The following MYO9A variants were observed in gnomAD, a reference collection of about 807,000 sequenced individuals.
MYO9A encodes myosin IXA.
A neutral mutation model predicts 293.3 loss-of-function variants in MYO9A; 103 were observed. That is an observed-to-expected ratio of 0.35 (90% CI 0.30 to 0.41). MYO9A has a LOEUF of 0.41. Among genes scored for constraint, MYO9A ranks in the 10% least tolerant of loss-of-function variants. MYO9A has a pLI of 1.00. For missense variants in MYO9A, 2,685 were observed against 3,033.0 expected (o/e 0.89, Z 2.69); for synonymous variants, 1,001 against 1,035.7 (o/e 0.97, Z 0.64).
Position 71,901,176 on chromosome 15 carries a change from T to A in MYO9A, c.3150+15A>T, listed in dbSNP as rs1157592961. The A allele has an allele frequency of 6.2e-7, 1 of 1,602,246 alleles. No homozygotes were observed. Among genetic ancestry groups the A allele is most frequent in the South Asian group, 1.1e-5 (1 of 88,430 alleles). On this transcript the variant is annotated intron_variant, in intron 23 of 41. Transcript: ENST00000356056. ...AAACTAGTCAATCTCATGCAAAGAA[T>A]CCTTTGCTTCTCACCTGGATAATAA...
At chr15:72,025,146 C>T (rs868150959) in intron 4 of MYO9A, among the ~76,000 whole-genome samples, 2 of 151,944 alleles carry the variant, frequency 1.3e-5, no homozygotes, top group African/African-American at 4.8e-5. Context: ...AAAAAAGTTA[C>T]CATGCAAGCA....
At chr15:72,020,254 A>G (rs1349558070) in intron 5 of MYO9A, among the ~76,000 whole-genome samples, 1 of 152,152 alleles carries the variant, frequency 6.6e-6, no homozygotes, top group Non-Finnish European at 1.5e-5. Context: ...TACTAATTCC[A>G]TTAGTGCTGG....
At chr15:72,072,959 AC>A (rs1370413370) in intron 1 of MYO9A, among the ~76,000 whole-genome samples, 8 of 152,316 alleles carry the variant, frequency 5.3e-5, no homozygotes, top group Non-Finnish European at 1.0e-4. Flanking sequence ...CACAAATAGC[AC>A]TGTTCACAAG....
Position 71,851,367 on chromosome 15 carries a change from AG to A in MYO9A, c.6476-10del. The A allele has an allele frequency of 6.2e-7, 1 of 1,603,454 alleles. No homozygotes were observed. The highest frequency in any genetic ancestry group is 1.7e-4 in the Middle Eastern group (1 of 6,044). On this transcript the variant is annotated splice_polypyrimidine_tract_variant and intron_variant, in intron 36 of 41. Coordinates refer to ENST00000356056, the MANE Select transcript of MYO9A (RefSeq NM_006901.4). ...CTTCCTCTCCTGAAGGCCTAAAAAC[AG>A]TAAGAGCAGAAACTAAGACTAAATA...
chr15:72,101,692 G>C (rs1470051721), intron 1 of MYO9A, among the ~76,000 whole-genome samples: 9 of 142,046 alleles, frequency 6.3e-5, no homozygotes, highest in East Asian at 4.4e-4. Flanking sequence ...GGGAGGTGGG[G>C]GGGGTCAGCC....
intron 11 of MYO9A, among the ~76,000 whole-genome samples, chr15:71,981,669 C>CTCTA (rs2076276356): frequency 6.7e-6 from 1 of 148,610 alleles, no homozygotes; most frequent in African/African-American, 2.5e-5. Context: ...CTCTCTCTCT[C>CTCTA]TCAGATGAAT....
rs536878142 is a variant in MYO9A, at chr15:71,880,450, C to T, written c.5507G>A (p.Arg1836Gln). ...KEPSPKAKRKRSVKISNVALD... is the reference protein window; with the variant it reads ...KEPSPKAKRKQSVKISNVALD... ...AGCCACGTTGCTAATCTTCACACTT[C>T]GCTTGCGCTTAGCCTTTGGAGAAGG... The change falls in exon 29 of 42, where the codon CGA becomes CAA. Residue 1836 changes from arginine (R) to glutamine (Q), a missense_variant. By Grantham distance (43) the Arg-to-Gln change is conservative. Around this residue, in one of 10 missense-constraint regions of MYO9A, gnomAD observed 1,434 missense variants for 1,497.7 expected, o/e 0.96. Transcript: ENST00000356056. 36 of 1,614,084 alleles carry T rather than the reference C, an allele frequency of 2.2e-5. No homozygotes were observed. The highest frequency in any genetic ancestry group is 2.5e-5 in the Non-Finnish European group (30 of 1,180,024).
rs2075945397 is a variant in MYO9A at position 71,968,989 on chromosome 15, A to G, written c.1845-864T>C. Among the ~76,000 whole-genome samples the G allele has an allele frequency of 4.6e-5, 7 of 152,360 alleles. No individual in the cohort carries two copies. In the South Asian group the frequency reaches 1.4e-3, roughly 32 times the overall value. The stretch of plus-strand genomic sequence containing the variant: ...CAACAAACATAGTTAATTACATAGT[A>G]TGCATTGCAAACCATACAGAGAATG... On this transcript the variant is annotated intron_variant, in intron 12 of 41. Transcript: ENST00000356056.
At chr15:71,917,369 C>T (rs7162134) in intron 18 of MYO9A, among the ~76,000 whole-genome samples, 140,326 of 152,060 alleles carry the variant, frequency 0.92, 65,143 homozygotes, top group Non-Finnish European at 0.97. Context: ...ACCCCGTCTC[C>T]ACTAAAAATA....
At chr15:71,958,710 T>C (rs983059160) in intron 14 of MYO9A, 1 of 152,132 alleles carries the variant, frequency 6.6e-6, no homozygotes, top group African/African-American at 2.4e-5. Context: ...GATTATTATA[T>C]GGAAGCTCTG....
intron 18 of MYO9A, among the ~76,000 whole-genome samples, chr15:71,918,142 G>C (rs886707902): frequency 6.6e-6 from 1 of 152,058 alleles, no homozygotes; most frequent in Non-Finnish European, 1.5e-5. Flanking sequence ...TTTAAAAGAG[G>C]TTTTCTGCAT....
intron 6 of MYO9A, among the ~76,000 whole-genome samples, chr15:72,013,297 ATTGT>A (rs929594912): frequency 6.6e-6 from 1 of 152,168 alleles, no homozygotes; most frequent in African/African-American, 2.4e-5. Context: ...CTCATCAGTC[ATTGT>A]TTGAAGACTT....
In MYO9A at chr15:71,951,767, G is replaced by A. The variant is rs1008086431; in HGVS notation, c.2302+10C>T. 1 of 1,613,544 alleles carries A rather than the reference G, an allele frequency of 6.2e-7. No homozygotes were observed. The highest frequency in any genetic ancestry group is 1.3e-5 in the African/African-American group (1 of 74,994). On this transcript the variant is annotated intron_variant, in intron 15 of 41. Coordinates refer to ENST00000356056, the MANE Select transcript of MYO9A (RefSeq NM_006901.4). ...ATGTGATAACAGTTTATCAGGATTT[G>A]TAGCCTTACTGTACTTCTCTTCCTT...
At chr15:71,972,134 C>G (rs569082210) in intron 12 of MYO9A, 1 of 152,240 alleles carries the variant, frequency 6.6e-6, no homozygotes, top group African/African-American at 2.4e-5. Flanking sequence ...TTTGTCCAAT[C>G]ACATTTCTAC....
At chr15:71,935,683 C>T (rs913087716) in intron 16 of MYO9A, among the ~76,000 whole-genome samples, 199 bp from the exon 17 acceptor site, 30 of 152,136 alleles carry the variant, frequency 2.0e-4, no homozygotes, top group African/African-American at 7.2e-4. Context: ...CCTATGAATT[C>T]CATCATATTC....
chr15:72,106,307 A>G (rs2080566431), intron 1 of MYO9A, among the ~76,000 whole-genome samples: 1 of 152,084 alleles, frequency 6.6e-6, no homozygotes, highest in South Asian at 2.1e-4. Flanking sequence ...GCAAGACCCC[A>G]TCCCTACTAA....
chr15:71,848,535 G>A (rs1373848058), intron 39 of MYO9A, among the ~76,000 whole-genome samples: 2 of 152,066 alleles, frequency 1.3e-5, no homozygotes, highest in African/African-American at 2.4e-5. Flanking sequence ...GGAGAAAAAA[G>A]TTAGAAGAGG....
intron 1 of MYO9A, among the ~76,000 whole-genome samples, chr15:72,060,038 A>G (rs2078834912): frequency 6.6e-6 from 1 of 152,198 alleles, no homozygotes; most frequent in Non-Finnish European, 1.5e-5. Context: ...ACAGTCTTTG[A>G]GGCGAATTAC....
At chr15:72,038,234 C>G (rs920182396) in intron 2 of MYO9A, among the ~76,000 whole-genome samples, 2 of 152,100 alleles carry the variant, frequency 1.3e-5, no homozygotes, top group Non-Finnish European at 1.5e-5. Context: ...AAATACAGAA[C>G]TCTTAAATGC....
Sources: gnomAD v4.1 joint callset for allele counts (sites outside exome capture counted in the v4.1 genomes callset) on GRCh38, gnomAD v4.1.1 for gene constraint, gnomAD v4.1.1 regional missense constraint, MANE v1.5 for transcripts, NCBI Gene and HGNC (gene_info 2026-07-23, HGNC 2026-07-21) for gene names.